The following MAGI2 variants were observed in gnomAD, a reference collection of about 807,000 sequenced individuals.
The protein encoded by MAGI2 is membrane associated guanylate kinase, WW and PDZ domain containing 2.
Under a neutral mutation model 133.3 loss-of-function variants are expected in MAGI2, and 35 were observed. The observed-to-expected ratio is 0.26, with a 90% CI of 0.20 to 0.35. MAGI2 has a LOEUF of 0.35. Ranked by LOEUF, MAGI2 falls within the 10% of genes least tolerant of loss-of-function variation. The pLI is 1.00. For synonymous variants in MAGI2, 729 were observed against 710.6 expected (o/e 1.03, Z -0.41); for missense variants, 1,636 against 1,863.4 (o/e 0.88, Z 2.25).
At chr7:78,544,401 G>T (rs989928908) in intron 3 of MAGI2, among the ~76,000 whole-genome samples, 2 of 152,172 alleles carry the variant, frequency 1.3e-5, no homozygotes, top group African/African-American at 4.8e-5. Context: ...TTTTAGATGG[G>T]AGCAGCCAAA....
At chr7:78,605,738 A>G (rs1480058128) in intron 3 of MAGI2, among the ~76,000 whole-genome samples, 2 of 152,220 alleles carry the variant, frequency 1.3e-5, no homozygotes, top group Admixed American at 6.5e-5. Flanking sequence ...AATGTAAACA[A>G]ATATAATATT....
At chr7:79,123,883 C>T (rs1170240630) in intron 1 of MAGI2, among the ~76,000 whole-genome samples, 1 of 150,374 alleles carries the variant, frequency 6.7e-6, no homozygotes, top group Non-Finnish European at 1.5e-5. Context: ...CTATTTTACT[C>T]GTTCTTTTAG....
At chr7:78,293,699 T>G (rs1030390601) in intron 9 of MAGI2, among the ~76,000 whole-genome samples, 1 of 152,116 alleles carries the variant, frequency 6.6e-6, no homozygotes, top group Non-Finnish European at 1.5e-5. Context: ...TGTCCATCAA[T>G]GATAGACTGG....
intron 18 of MAGI2, among the ~76,000 whole-genome samples, chr7:78,131,791 A>G (rs1055562796): frequency 2.0e-5 from 3 of 152,222 alleles, no homozygotes; most frequent in Admixed American, 6.5e-5. Context: ...TATGATGCCT[A>G]TCTCTAATGC....
At chr7:78,413,314 A>T (rs949896503) in intron 6 of MAGI2, among the ~76,000 whole-genome samples, 1 of 152,108 alleles carries the variant, frequency 6.6e-6, no homozygotes, top group African/African-American at 2.4e-5. Context: ...GATTCAATCC[A>T]TTAGTGGAAG....
At chr7:79,383,361 C>A (rs971541314) in intron 1 of MAGI2, among the ~76,000 whole-genome samples, 10 of 151,346 alleles carry the variant, frequency 6.6e-5, no homozygotes, top group African/African-American at 2.4e-4. Context: ...ATAGACATGG[C>A]TAGTAAAAAC....
chr7:78,930,545 G>C (rs1331949514), intron 2 of MAGI2, among the ~76,000 whole-genome samples: 1 of 152,006 alleles, frequency 6.6e-6, no homozygotes, highest in African/African-American at 2.4e-5. Context: ...CCCAACAAAG[G>C]CTAGAAATGG....
intron 1 of MAGI2, among the ~76,000 whole-genome samples, chr7:79,056,482 C>T (rs953611493): frequency 1.3e-5 from 2 of 152,162 alleles, no homozygotes; most frequent in Non-Finnish European, 1.5e-5. Context: ...GAAAAAAAGA[C>T]TTCTTAAAAA....
At chr7:79,013,715 C>T (rs1298538415) in intron 1 of MAGI2, among the ~76,000 whole-genome samples, 1 of 152,022 alleles carries the variant, frequency 6.6e-6, no homozygotes, top group African/African-American at 2.4e-5. Flanking sequence ...GATCTAGAGG[C>T]CCATCTCATT....
intron 1 of MAGI2, among the ~76,000 whole-genome samples, chr7:79,447,372 A>C (rs1348134136): frequency 6.6e-6 from 1 of 152,196 alleles, no homozygotes; most frequent in East Asian, 1.9e-4. Flanking sequence ...TGGAGTAAGT[A>C]ATAATAAAGT....
intron 2 of MAGI2, among the ~76,000 whole-genome samples, chr7:78,676,626 T>C (rs1198231906): frequency 6.6e-6 from 1 of 152,136 alleles, no homozygotes; most frequent in East Asian, 1.9e-4. Flanking sequence ...TCACAGTTGA[T>C]TAAAACGCAG....
At position 79,256,626 on chromosome 7, in the gene MAGI2, G is replaced by A. The variant is rs534138424; in HGVS notation, c.301+196394C>T. 2.1e-4 allele frequency among the ~76,000 whole-genome samples: 32 copies of A among 151,532 alleles called. No homozygotes were observed. The South Asian group carries it at 5.6e-3, about 27-fold the overall frequency. ...TCACCTCGATCTCCCCAGTAGCTGG[G>A]ATTACAGGTGTGCACCACCACGTCC... On this transcript the variant is annotated intron_variant, in intron 1 of 21. Coordinates refer to ENST00000354212, the MANE Select transcript of MAGI2 (RefSeq NM_012301.4).
intron 13 of MAGI2, among the ~76,000 whole-genome samples, chr7:78,181,087 C>T (rs147643333): frequency 6.6e-6 from 1 of 152,116 alleles, no homozygotes; most frequent in East Asian, 1.9e-4. Context: ...GCTTTGTTAG[C>T]TCTCTTCGCA....
chr7:78,620,292 T>G (rs1031985892), intron 3 of MAGI2, among the ~76,000 whole-genome samples: 1 of 151,958 alleles, frequency 6.6e-6, no homozygotes, highest in African/African-American at 2.4e-5. Context: ...AATGCTATCT[T>G]GATTGCAGAT....
At chr7:79,013,414 T>C (rs1177632334) in intron 1 of MAGI2, among the ~76,000 whole-genome samples, 1 of 152,212 alleles carries the variant, frequency 6.6e-6, no homozygotes, top group Non-Finnish European at 1.5e-5. Flanking sequence ...TCTACCCATA[T>C]GCTGTAAGAT....
intron 6 of MAGI2, among the ~76,000 whole-genome samples, chr7:78,371,415 T>G (rs1263793461): frequency 6.6e-6 from 1 of 151,932 alleles, no homozygotes; most frequent in African/African-American, 2.4e-5. Flanking sequence ...CAACAATATA[T>G]AAAACAATCA....
intron 1 of MAGI2, among the ~76,000 whole-genome samples, chr7:79,098,816 T>G (rs1228612973): frequency 6.6e-6 from 1 of 152,204 alleles, no homozygotes; most frequent in Non-Finnish European, 1.5e-5. Flanking sequence ...CCCATAACCT[T>G]AGGGTGTTCC....
At chr7:78,579,603 T>C (rs1802631558) in intron 3 of MAGI2, among the ~76,000 whole-genome samples, 1 of 152,218 alleles carries the variant, frequency 6.6e-6, no homozygotes. Context: ...TTTATGCCAT[T>C]ATTGCCTTTT....
chr7:78,159,777 T>A (rs762708184), intron 16 of MAGI2: 1 of 336,704 alleles, frequency 3.0e-6, no homozygotes, highest in African/African-American at 2.1e-5. Flanking sequence ...TACAAATGAA[T>A]GAAGAGCTTT....
Sources: gnomAD v4.1 joint callset for allele counts (sites outside exome capture counted in the v4.1 genomes callset) on GRCh38, gnomAD v4.1.1 for gene constraint, MANE v1.5 for transcripts, NCBI Gene and HGNC (gene_info 2026-07-23, HGNC 2026-07-21) for gene names.